PAPOLB: variants seen among roughly 807,000 people sequenced by gnomAD.
PAPOLB encodes the protein PAP-beta.
Under a neutral mutation model 23.2 loss-of-function variants are expected in PAPOLB, and 19 were observed. The observed-to-expected ratio is 0.82, with a 90% confidence interval of 0.57 to 1.20. The LOEUF (loss-of-function observed/expected upper bound fraction) is 1.20. Ranked by LOEUF, PAPOLB falls within the 50% of genes most tolerant of loss-of-function variation. PAPOLB has a pLI of 0.00. For synonymous variants in PAPOLB, 360 were observed against 290.7 expected, an observed-to-expected ratio of 1.24 and a Z score of -2.43; for missense variants, 822 against 776.8, an observed-to-expected ratio of 1.06 and a Z score of -0.69.
At position 4,861,853 on chromosome 7, in the gene PAPOLB, G is replaced by T; in HGVS notation, c.-43C>A. ...GCCAGGGCACGTCCCCCACCACCGCGACCTTCGCGGCCGCCGCCCGGGTCA... is the reference window on the plus strand; with the variant it reads ...GCCAGGGCACGTCCCCCACCACCGCTACCTTCGCGGCCGCCGCCCGGGTCA... On this transcript the variant is annotated 5_prime_UTR_variant, in exon 1 of 1. Coordinates refer to ENST00000404991, the MANE Select transcript of PAPOLB (RefSeq NM_020144.5). The T allele has an allele frequency of 7.5e-7, 1 of 1,336,898 alleles. No homozygotes were observed. The highest frequency in any genetic ancestry group is 1.8e-5 in the South Asian group (1 of 56,024). 82.8% of individuals were successfully genotyped at this position (1,336,898 alleles called of 1,614,324 possible).
Position 4,861,834 on chromosome 7 carries a change from G to GCACGTCCTCCACCACCGCGACCTT in PAPOLB, c.-25_-24insAAGGTCGCGGTGGTGGAGGACGTG. On this transcript the variant is annotated 5_prime_UTR_variant, in exon 1 of 1. Transcript: ENST00000404991. Reference sequence around the variant, plus strand: ...ATCTTTCAGCGCCCGCCCCGCCAGGGCACGTCCCCCACCACCGCGACCTTC... The same window carrying GCACGTCCTCCACCACCGCGACCTT: ...ATCTTTCAGCGCCCGCCCCGCCAGGGCACGTCCTCCACCACCGCGACCTTCACGTCCCCCACCACCGCGACCTTC... The GCACGTCCTCCACCACCGCGACCTT allele has an allele frequency of 7.9e-7, 1 of 1,268,420 alleles. No homozygotes were observed. Among genetic ancestry groups the GCACGTCCTCCACCACCGCGACCTT allele is most frequent in the Non-Finnish European group, 1.0e-6 (1 of 972,360 alleles). The allele number at this position is 1,268,420 out of a possible 1,614,324, so 78.6% of individuals were successfully genotyped here. A position where few individuals can be genotyped will look rare whatever the true frequency, so the allele number is the denominator to read the frequency against.
At position 4,861,151 on chromosome 7, in the gene PAPOLB, G is replaced by C. The variant is rs969610312; in HGVS notation, c.660C>G (p.Asn220Lys). The change falls in exon 1 of 1, where the codon AAC becomes AAG. Residue 220 changes from asparagine to lysine, a missense_variant. Physicochemically the swap from Asn to Lys is moderately conservative, Grantham distance 94 (BLOSUM62 0). Transcript: ENST00000404991. ...EILHLVPNID[N>K]FRLTLRAIKL... is the part of the protein sequence containing the mutation. ...TGATGGCTCTCAGAGTCAGCCTGAA[G>C]TTGTCAATGTTTGGCACTAGATGTA... The C allele has an allele frequency of 1.9e-6, 3 of 1,614,108 alleles. No individual in the cohort carries two copies. The African/African-American group carries it at 4.0e-5, about 22-fold the overall frequency.
chr7:4,859,369 C>T lies in PAPOLB; in HGVS notation c.*528G>A, dbSNP rs1783914814. 1 of 153,730 alleles carries T rather than the reference C, an allele frequency of 6.5e-6. No homozygotes were observed. Among genetic ancestry groups the T allele is most frequent in the African/African-American group, 2.4e-5 (1 of 41,456 alleles). The allele number at this position is 153,730 out of a possible 1,614,324, so 9.5% of individuals were successfully genotyped here. ...TCCCAACAATGCATCAAGCATAAATCCAGTCCAGATGTCAGTCACGGGTAC... is the reference window on the plus strand; with the variant it reads ...TCCCAACAATGCATCAAGCATAAATTCAGTCCAGATGTCAGTCACGGGTAC... On this transcript the variant is annotated 3_prime_UTR_variant, in exon 1 of 1. Coordinates refer to ENST00000404991, the MANE Select transcript of PAPOLB (RefSeq NM_020144.5).
In PAPOLB at chr7:4,861,866, G is replaced by T; in HGVS notation, c.-56C>A. The T allele has an allele frequency of 1.8e-6, 1 of 540,724 alleles. No homozygotes were observed. The allele number at this position is 540,724 out of a possible 1,614,324, so 33.5% of individuals were successfully genotyped here. A position where few individuals can be genotyped will look rare whatever the true frequency, so the allele number is the denominator to read the frequency against. ...CCCCACCACCGCGACCTTCGCGGCC[G>T]CCGCCCGGGTCATGATCCGCTGAGG... On this transcript the variant is annotated 5_prime_UTR_variant, in exon 1 of 1. Transcript: ENST00000404991.
rs1263107050 is a variant in PAPOLB, at chr7:4,858,703, A to G, written c.*1194T>C. 6.6e-6 allele frequency: 1 copy of G among 152,638 alleles called. No individual in the cohort carries two copies. Among genetic ancestry groups the G allele is most frequent in the East Asian group, 1.9e-4 (1 of 5,208 alleles). 9.5% of individuals were successfully genotyped at this position (152,638 alleles called of 1,614,324 possible). On this transcript the variant is annotated 3_prime_UTR_variant, in exon 1 of 1. Transcript: ENST00000404991. Reference sequence around the variant, plus strand: ...CAAATGGTCATCCAAGATCAGAAACATATCTCATAGACATTACATTTAGTA... The same window carrying G: ...CAAATGGTCATCCAAGATCAGAAACGTATCTCATAGACATTACATTTAGTA...
rs948696835 is a variant in PAPOLB at position 4,859,404 on chromosome 7, T to C, written c.*493A>G. On this transcript the variant is annotated 3_prime_UTR_variant, in exon 1 of 1. Transcript: ENST00000404991. ...TGTCAGTCACGGGTACAAACATAGC[T>C]GAAAGGTTTTTTCATTTTAAGGGCA... The C allele has an allele frequency of 3.2e-5, 5 of 156,036 alleles. No individual in the cohort carries two copies. Among genetic ancestry groups the C allele is most frequent in the African/African-American group, 1.2e-4 (5 of 41,476 alleles). 9.7% of individuals were successfully genotyped at this position (156,036 alleles called of 1,614,324 possible). A position where few individuals can be genotyped will look rare whatever the true frequency, so the allele number is the denominator to read the frequency against.
Position 4,861,632 on chromosome 7 carries a change from T to C in PAPOLB, c.179A>G (p.Gln60Arg), listed in dbSNP as rs1784000824. The change falls in exon 1 of 1, where the codon CAG becomes CGG. Residue 60 changes from glutamine to arginine, a missense_variant. Around this residue, in one of 3 missense-constraint regions of PAPOLB, gnomAD observed 276 missense variants for 243.9 expected, o/e 1.13. Transcript: ENST00000404991. ...FGVFEEEEEL[Q>R]RRILVLEKLN... ...TTTTTCCAAAACTAAAATCCTGCGCTGCAGTTCCTCTTCCTCTTCGAAGAC... is the reference window on the plus strand; with the variant it reads ...TTTTTCCAAAACTAAAATCCTGCGCCGCAGTTCCTCTTCCTCTTCGAAGAC... 3 of 1,610,600 alleles carry C rather than the reference T, an allele frequency of 1.9e-6. No homozygotes were observed. Among genetic ancestry groups the C allele is most frequent in the South Asian group, 2.2e-5 (2 of 90,608 alleles).
Position 4,857,822 on chromosome 7 carries a change from C to T in PAPOLB, c.*2075G>A, listed in dbSNP as rs1046263149. On this transcript the variant is annotated 3_prime_UTR_variant, in exon 1 of 1. Transcript: ENST00000404991. Reference sequence around the variant, plus strand: ...ACAGTGCTTGAATATACCAGGAGTACAGATACCATAAAACAAAGCAAACTC... The same window carrying T: ...ACAGTGCTTGAATATACCAGGAGTATAGATACCATAAAACAAAGCAAACTC... 3 of 152,468 alleles carry T rather than the reference C, an allele frequency of 2.0e-5. No individual in the cohort carries two copies. Among genetic ancestry groups the T allele is most frequent in the Non-Finnish European group, 4.4e-5 (3 of 68,016 alleles). The allele number at this position is 152,468 out of a possible 1,614,324, so 9.4% of individuals were successfully genotyped here. A position where few individuals can be genotyped will look rare whatever the true frequency, so the allele number is the denominator to read the frequency against.
Position 4,861,871 on chromosome 7 carries a change from C to T in PAPOLB, c.-61G>A, listed in dbSNP as rs1206057971. On this transcript the variant is annotated 5_prime_UTR_variant, in exon 1 of 1. Transcript: ENST00000404991. ...CCACCGCGACCTTCGCGGCCGCCGC[C>T]CGGGTCATGATCCGCTGAGGCGGAA... 8.2e-7 allele frequency: 1 copy of T among 1,214,398 alleles called. No homozygotes were observed. Among genetic ancestry groups the T allele is most frequent in the East Asian group, 2.7e-5 (1 of 36,878 alleles). 75.2% of individuals were successfully genotyped at this position (1,214,398 alleles called of 1,614,324 possible). A position where few individuals can be genotyped will look rare whatever the true frequency, so the allele number is the denominator to read the frequency against.
At position 4,860,147 on chromosome 7, in the gene PAPOLB, C is replaced by G; in HGVS notation, c.1664G>C (p.Arg555Thr). Residue 555 changes from arginine to threonine, a missense_variant, in exon 1 of 1, where the codon AGA becomes ACA. Arg to Thr is a moderately conservative substitution (Grantham distance 71). Coordinates refer to ENST00000404991, the MANE Select transcript of PAPOLB (RefSeq NM_020144.5). Reference sequence around the variant, plus strand: ...CATTACAGCCAAGGCAGGACTGTTTCTACCCTGAGAACTGCTAATCAATGG... The same window carrying G: ...CATTACAGCCAAGGCAGGACTGTTTGTACCCTGAGAACTGCTAATCAATGG... Reference protein sequence around the residue: ...TGPLISSSQGRNSPALAVMTA... With the variant: ...TGPLISSSQGTNSPALAVMTA... The G allele has an allele frequency of 6.2e-7, 1 of 1,614,040 alleles. No individual in the cohort carries two copies. Among genetic ancestry groups the G allele is most frequent in the Non-Finnish European group, 8.5e-7 (1 of 1,179,886 alleles).
chr7:4,858,797 T>C lies in PAPOLB; in HGVS notation c.*1100A>G, dbSNP rs540966815. On this transcript the variant is annotated 3_prime_UTR_variant, in exon 1 of 1. Coordinates refer to ENST00000404991, the MANE Select transcript of PAPOLB (RefSeq NM_020144.5). Reference sequence around the variant, plus strand: ...TGTTTTGTGCCATGTGGCCACAGGATTGTCAGTTTCACATCATGGTTTAGA... The same window carrying C: ...TGTTTTGTGCCATGTGGCCACAGGACTGTCAGTTTCACATCATGGTTTAGA... 4 of 152,498 alleles carry C rather than the reference T, an allele frequency of 2.6e-5. No homozygotes were observed. The South Asian group carries it at 6.2e-4, about 24-fold the overall frequency. The allele number at this position is 152,498 out of a possible 1,614,324, so 9.4% of individuals were successfully genotyped here. A position where few individuals can be genotyped will look rare whatever the true frequency, so the allele number is the denominator to read the frequency against.
At position 4,859,903 on chromosome 7, in the gene PAPOLB, G is replaced by C. The variant is rs1195897997; in HGVS notation, c.1908C>G (p.Ile636Met). The change falls in exon 1 of 1, where the codon ATC (isoleucine) becomes ATG (methionine). Residue 636 changes from isoleucine (I) to methionine (M), a missense_variant. By Grantham distance (10) the Ile-to-Met change is conservative. Transcript: ENST00000404991. ...AATATCCTCTAGACTCCAACTATAGGATTAGATATGTTTGTTGCTGAGTTT... is the reference window on the plus strand; with the variant it reads ...AATATCCTCTAGACTCCAACTATAGCATTAGATATGTTTGTTGCTGAGTTT... ...LQETQQQTYL[I>M]L is the part of the protein sequence containing the mutation. 1.9e-6 allele frequency: 3 copies of C among 1,602,134 alleles called. No homozygotes were observed. The highest frequency in any genetic ancestry group is 2.6e-6 in the Non-Finnish European group (3 of 1,170,068).
rs1172181808 is a variant in PAPOLB, at chr7:4,861,635, A to G, written c.176T>C (p.Leu59Pro). The G allele has an allele frequency of 6.2e-7, 1 of 1,610,392 alleles. No individual in the cohort carries two copies. The highest frequency in any genetic ancestry group is 8.5e-7 in the Non-Finnish European group (1 of 1,178,336). The change falls in exon 1 of 1, where the codon CTG becomes CCG. Residue 59 changes from leucine (L) to proline (P), a missense_variant. Leu to Pro is a moderately conservative substitution (Grantham distance 98, BLOSUM62 -3). Around this residue, in one of 3 missense-constraint regions of PAPOLB, gnomAD observed 276 missense variants for 243.9 expected, o/e 1.13. Coordinates refer to ENST00000404991, the MANE Select transcript of PAPOLB (RefSeq NM_020144.5). Reference sequence around the variant, plus strand: ...TTCCAAAACTAAAATCCTGCGCTGCAGTTCCTCTTCCTCTTCGAAGACCCC... The same window carrying G: ...TTCCAAAACTAAAATCCTGCGCTGCGGTTCCTCTTCCTCTTCGAAGACCCC... ...PFGVFEEEEE[L>P]QRRILVLEKL...
Position 4,860,587 on chromosome 7 carries a change from C to G in PAPOLB, c.1224G>C (p.Lys408Asn). 1 of 1,614,166 alleles carries G rather than the reference C, an allele frequency of 6.2e-7. No individual in the cohort carries two copies. The highest frequency in any genetic ancestry group is 8.5e-7 in the Non-Finnish European group (1 of 1,179,998). The change falls in exon 1 of 1, where the codon AAG becomes AAC. Residue 408 changes from lysine (K) to asparagine (N), a missense_variant. Lys to Asn is a moderately conservative substitution (Grantham distance 94, BLOSUM62 0). Transcript: ENST00000404991. Reference sequence around the variant, plus strand: ...CATGTGCCAGTGTAATAAATTCATTCTTCTCCAAGCTCCCAACCAGGATTC... The same window carrying G: ...CATGTGCCAGTGTAATAAATTCATTGTTCTCCAAGCTCCCAACCAGGATTC... The part of the protein sequence containing the change: ...KIRILVGSLE[K>N]NEFITLAHVN...
rs11972309 is a variant in PAPOLB, at chr7:4,858,099, C to G, written c.*1798G>C. ...CACCCGATTTATTATTGTGGTGAAA[C>G]GGCAAAGATGTGAGAAAAAGAAATA... On this transcript the variant is annotated 3_prime_UTR_variant, in exon 1 of 1. Transcript: ENST00000404991. 0.19 allele frequency: 28,902 copies of G among 152,224 alleles called. 4,311 individuals carry two copies. The highest frequency in any genetic ancestry group is 0.42 in the African/African-American group (17,259 of 41,404). 9.4% of individuals were successfully genotyped at this position (152,224 alleles called of 1,614,324 possible).
chr7:4,860,873 A>AGAT lies in PAPOLB; in HGVS notation c.935_937dup (p.His312dup). The AGAT allele has an allele frequency of 6.2e-7, 1 of 1,614,174 alleles. No individual in the cohort carries two copies. The highest frequency in any genetic ancestry group is 8.5e-7 in the Non-Finnish European group (1 of 1,180,012). ...GTATGCTGGTGTGATGATAGGCATA[A>AGAT]GATGGTACCTATCACTGGGATTTAC... On this transcript the variant is annotated inframe_insertion, in exon 1 of 1. Transcript: ENST00000404991.
Position 4,860,894 on chromosome 7 carries a change from T to C in PAPOLB, c.917A>G (p.Asn306Ser). Reference sequence around the variant, plus strand: ...CATAAGATGGTACCTATCACTGGGATTTACTCTTGGGTCCCATACAGGCAA... The same window carrying C: ...CATAAGATGGTACCTATCACTGGGACTTACTCTTGGGTCCCATACAGGCAA... ...LNLPVWDPRV[N>S]PSDRYHLMPI... is the part of the protein sequence containing the mutation. The change falls in exon 1 of 1, where the codon AAT (asparagine) becomes AGT (serine). Residue 306 changes from asparagine to serine, a missense_variant. This residue lies in a region of PAPOLB where 534 missense variants were observed against 502.8 expected (regional missense o/e 1.06). Coordinates refer to ENST00000404991, the MANE Select transcript of PAPOLB (RefSeq NM_020144.5). 1.9e-6 allele frequency: 3 copies of C among 1,614,202 alleles called. No homozygotes were observed. Among genetic ancestry groups the C allele is most frequent in the Non-Finnish European group, 2.5e-6 (3 of 1,180,028 alleles).
In PAPOLB at chr7:4,859,527, T is replaced by G. The variant is rs1212663713; in HGVS notation, c.*370A>C. On this transcript the variant is annotated 3_prime_UTR_variant, in exon 1 of 1. Coordinates refer to ENST00000404991, the MANE Select transcript of PAPOLB (RefSeq NM_020144.5). ...ATGTGGACTTCTGATCAAGACTGGC[T>G]CAGTAAAGGAAGTTACCAAATGAGC... 1 of 200,568 alleles carries G rather than the reference T, an allele frequency of 5.0e-6. No individual in the cohort carries two copies. Among genetic ancestry groups the G allele is most frequent in the African/African-American group, 2.4e-5 (1 of 42,510 alleles). 12.4% of individuals were successfully genotyped at this position (200,568 alleles called of 1,614,324 possible).
chr7:4,861,685 C>T lies in PAPOLB; in HGVS notation c.126G>A (p.Arg42=), dbSNP rs1389082709. Residue 42 remains arginine, a synonymous_variant, in exon 1 of 1, where the codon AGG becomes AGA. Transcript: ENST00000404991. ...CGAAGGGCCTGAGGGTTTCTATTAG[C>T]CTCTGGGTGAGGAGGCAGTCCGTCT... ...PKETDCLLTQ[R]LIETLRPFGV... is the part of the protein sequence containing the mutation. 3 of 1,587,894 alleles carry T rather than the reference C, an allele frequency of 1.9e-6. No homozygotes were observed. The highest frequency in any genetic ancestry group is 2.3e-5 in the South Asian group (2 of 86,720).
Sources: allele counts gnomAD v4.1 joint callset, GRCh38; gene constraint gnomAD v4.1.1; regional missense constraint gnomAD v4.1.1; transcripts MANE v1.5; gene names NCBI Gene and HGNC (gene_info 2026-07-23, HGNC 2026-07-21).